SKAP2: variants seen among roughly 807,000 people sequenced by gnomAD.
SKAP2 encodes src kinase-associated phosphoprotein 2.
A neutral mutation model predicts 54.9 loss-of-function variants in SKAP2; 28 were observed. That is an observed-to-expected ratio of 0.51 (90% CI 0.38 to 0.70). The LOEUF is 0.70. SKAP2 is among the 30% of genes least tolerant of loss of function. The probability of loss-of-function intolerance (pLI) is 0.00; values close to 1 mark genes in which losing one functional copy is unlikely to be tolerated. For missense variants in SKAP2, 356 were observed against 424.1 expected (o/e 0.84, Z 1.41); for synonymous variants, 137 against 134.3 (o/e 1.02, Z -0.14).
At chr7:26,786,087 G>T (rs1490437977) in intron 4 of SKAP2, among the ~76,000 whole-genome samples, 5 of 152,296 alleles carry the variant, frequency 3.3e-5, no homozygotes, top group East Asian at 3.9e-4. Context: ...CCCAATTAGG[G>T]CCCTCCAAAG....
In SKAP2 at chr7:26,726,960, T is replaced by A; in HGVS notation, c.516A>T (p.Arg172Ser). The change falls in exon 7 of 13, where the codon AGA (arginine) becomes AGT (serine). Residue 172 changes from arginine (R) to serine (S), a missense_variant. By Grantham distance (110) the Arg-to-Ser change is moderately radical. Transcript: ENST00000345317. The stretch of plus-strand genomic sequence containing the variant: ...CATCCTTTCTTAGAGTGTTATTCAT[T>A]CTGACACTGTAGCCATCTATTGCAA... ...GEFAIDGYSV[R>S]MNNTLRKDGK... is the part of the protein sequence containing the mutation. 6.2e-7 allele frequency: 1 copy of A among 1,608,110 alleles called. No homozygotes were observed. The highest frequency in any genetic ancestry group is 8.5e-7 in the Non-Finnish European group (1 of 1,176,614).
At chr7:26,740,705 G>T (rs922348331) in intron 4 of SKAP2, among the ~76,000 whole-genome samples, 2 of 152,158 alleles carry the variant, frequency 1.3e-5, no homozygotes, top group Non-Finnish European at 2.9e-5. Context: ...ATAGTTATCT[G>T]CCGGGCGCAG....
In SKAP2 at chr7:26,669,366, C is replaced by T. The variant is rs1226601705; in HGVS notation, c.*300G>A. 3.9e-5 allele frequency: 6 copies of T among 151,968 alleles called. No individual in the cohort carries two copies. The highest frequency in any genetic ancestry group is 1.9e-4 in the East Asian group (1 of 5,182). The allele number at this position is 151,968 out of a possible 1,614,324, so 9.4% of individuals were successfully genotyped here. ...CTATGCTATAGTAGACTATATGTTACGTATAAAATAGTGATGAATTCTTCA... is the reference window on the plus strand; with the variant it reads ...CTATGCTATAGTAGACTATATGTTATGTATAAAATAGTGATGAATTCTTCA... On this transcript the variant is annotated 3_prime_UTR_variant, in exon 13 of 13. Coordinates refer to ENST00000345317, the MANE Select transcript of SKAP2 (RefSeq NM_003930.5).
At chr7:26,850,545 C>T (rs1231878120) in intron 3 of SKAP2, among the ~76,000 whole-genome samples, 2 of 150,662 alleles carry the variant, frequency 1.3e-5, no homozygotes, top group African/African-American at 4.9e-5. Flanking sequence ...ATGATCACAC[C>T]ACTCCACTCC....
intron 7 of SKAP2, among the ~76,000 whole-genome samples, chr7:26,726,348 C>T (rs1187731174): frequency 2.6e-5 from 4 of 152,084 alleles, no homozygotes; most frequent in Non-Finnish European, 5.9e-5. Flanking sequence ...TGTCAGATTC[C>T]AACACACTAC....
chr7:26,716,706 T>C (rs1175368368), intron 9 of SKAP2, among the ~76,000 whole-genome samples: 2 of 152,222 alleles, frequency 1.3e-5, no homozygotes, highest in African/African-American at 2.4e-5. Flanking sequence ...CTCTGCTTCT[T>C]TGAGCAACGC....
At chr7:26,831,547 T>A (rs1784595640) in intron 4 of SKAP2, among the ~76,000 whole-genome samples, 1 of 152,170 alleles carries the variant, frequency 6.6e-6, no homozygotes, top group Admixed American at 6.5e-5. Flanking sequence ...TAAAATTGAC[T>A]GGATAACAAT....
Position 26,692,199 on chromosome 7 carries a change from G to A in SKAP2, c.797-1837C>T, listed in dbSNP as rs191060310. On this transcript the variant is annotated intron_variant, in intron 9 of 12. Transcript: ENST00000345317. ...GCCTGAATGTGGAGGAATGAGGGGG[G>A]GGAAAAGAGCAACAAAGGATGGCTA... Among the ~76,000 whole-genome samples the A allele has an allele frequency of 2.0e-5, 3 of 152,152 alleles. No homozygotes were observed. In the East Asian group the frequency reaches 5.8e-4, roughly 29 times the overall value.
At position 26,774,556 on chromosome 7, in the gene SKAP2, T is replaced by C. The variant is rs578146855; in HGVS notation, c.308-34592A>G. Among the ~76,000 whole-genome samples the C allele has an allele frequency of 9.5e-4, 144 of 152,082 alleles. 1 individual carries two copies. The highest frequency in any genetic ancestry group is 3.4e-3 in the African/African-American group (139 of 41,478). On this transcript the variant is annotated intron_variant, in intron 4 of 12. Transcript: ENST00000345317. The stretch of plus-strand genomic sequence containing the variant: ...ATATACATACACACCTATGTGTATA[T>C]GCTACCAGTCAAAATCATCTCTCCT...
intron 9 of SKAP2, among the ~76,000 whole-genome samples, chr7:26,704,113 G>A (rs1347603208): frequency 2.6e-5 from 4 of 152,102 alleles, no homozygotes; most frequent in African/African-American, 9.7e-5. Context: ...AAAATAATTT[G>A]GCTAACTGAC....
At chr7:26,784,010 T>C (rs1783484102) in intron 4 of SKAP2, among the ~76,000 whole-genome samples, 1 of 151,824 alleles carries the variant, frequency 6.6e-6, no homozygotes, top group Non-Finnish European at 1.5e-5. Flanking sequence ...ACTGCCCTTA[T>C]CTGACTAAAG....
Position 26,844,047 on chromosome 7 carries a change from T to A in SKAP2, c.290A>T (p.Asp97Val). ...TCACATACCATCAGAGGGGGCTTCA[T>A]CGTCTTTATCATATCGTTCTGAGGC... ...SLASERYDKD[D>V]EAPSDGAQFP... The change falls in exon 4 of 13, where the codon GAT becomes GTT. Residue 97 changes from aspartate (D) to valine (V), a missense_variant. Transcript: ENST00000345317. 1 of 1,608,956 alleles carries A rather than the reference T, an allele frequency of 6.2e-7. No homozygotes were observed. Among genetic ancestry groups the A allele is most frequent in the Non-Finnish European group, 8.5e-7 (1 of 1,175,616 alleles).
intron 1 of SKAP2, chr7:26,857,369 A>T: frequency 4.1e-6 from 2 of 485,840 alleles, no homozygotes; most frequent in Non-Finnish European, 5.3e-6. Context: ...AAATAATTTT[A>T]GTTTGTTGAC....
intron 4 of SKAP2, among the ~76,000 whole-genome samples, chr7:26,764,275 T>C (rs1782996259): frequency 6.6e-6 from 1 of 152,214 alleles, no homozygotes; most frequent in African/African-American, 2.4e-5. Context: ...AGTGCATATA[T>C]TGAGAAAAAC....
Position 26,797,819 on chromosome 7 carries a change from A to T in SKAP2, c.307+46211T>A, listed in dbSNP as rs537617981. On this transcript the variant is annotated intron_variant, in intron 4 of 12. Transcript: ENST00000345317. ...ATTCTGAATTCTATTATATAAATTT[A>T]ACAAAAAGATTGAAATAATGAAAAA... Among the ~76,000 whole-genome samples, 24 of 152,186 alleles carry T rather than the reference A, an allele frequency of 1.6e-4. No homozygotes were observed. In the South Asian group the frequency reaches 3.7e-3, roughly 24 times the overall value.
rs533130131 is a variant in SKAP2, at chr7:26,748,153, A to G, written c.308-8189T>C. On this transcript the variant is annotated intron_variant, in intron 4 of 12. Coordinates refer to ENST00000345317, the MANE Select transcript of SKAP2 (RefSeq NM_003930.5). ...CTGCTTCTTTAGATAAATCTTTAAT[A>G]TAGAACTGCTGTCCCTTTCTCATAA... Among the ~76,000 whole-genome samples, 76 of 152,292 alleles carry G rather than the reference A, an allele frequency of 5.0e-4. No individual in the cohort carries two copies. The South Asian group carries it at 5.4e-3, about 11-fold the overall frequency.
chr7:26,760,464 C>A (rs10227140), intron 4 of SKAP2, among the ~76,000 whole-genome samples: 65,167 of 151,858 alleles, frequency 0.43, 14,449 homozygotes, highest in Middle Eastern at 0.49. Flanking sequence ...CCTGAAACTA[C>A]AGATAGTACC....
At chr7:26,803,444 TTA>T (rs1473449119) in intron 4 of SKAP2, among the ~76,000 whole-genome samples, 1 of 152,194 alleles carries the variant, frequency 6.6e-6, no homozygotes, top group African/African-American at 2.4e-5. Flanking sequence ...TTAAAATGGC[TTA>T]TATCCAAAAG....
chr7:26,681,679 C>A (rs1477114812), intron 11 of SKAP2, among the ~76,000 whole-genome samples: 2 of 152,104 alleles, frequency 1.3e-5, no homozygotes, highest in African/African-American at 4.8e-5. Context: ...TAAAAGAAAG[C>A]TGCATATCTT....
Sources: gnomAD v4.1 joint callset for allele counts (sites outside exome capture counted in the v4.1 genomes callset) on GRCh38, gnomAD v4.1.1 for gene constraint, MANE v1.5 for transcripts, NCBI Gene and HGNC (gene_info 2026-07-23, HGNC 2026-07-21) for gene names.